The following HEG1 variants were observed in gnomAD, a reference collection of about 807,000 sequenced individuals.
HEG1 encodes the protein heart development protein with EGF like domains 1.
HEG1 carries 56 observed loss-of-function variants against 125.6 expected under a neutral mutation model. The ratio of observed to expected loss-of-function variants is 0.45; its 90% CI spans 0.36 to 0.56. The LOEUF (loss-of-function observed/expected upper bound fraction) is 0.56, where lower values mean the gene tolerates loss of function less well. Ranked by LOEUF, HEG1 falls within the 20% of genes least tolerant of loss-of-function variation. HEG1 has a pLI of 0.00. For missense variants in HEG1, 1,523 were observed against 1,670.0 expected (o/e 0.91, Z 1.53); for synonymous variants, 644 against 668.5 (o/e 0.96, Z 0.57).
At position 125,027,626 on chromosome 3, in the gene HEG1, G is replaced by T. The variant is rs183732053; in HGVS notation, c.611-119C>A. The stretch of plus-strand genomic sequence containing the variant: ...ATACAGACATAAGAAGAAATTAGGA[G>T]AATAATTCAGTCTATGAAAAATAAA... On this transcript the variant is annotated intron_variant, in intron 2 of 16. Coordinates refer to ENST00000311127, the MANE Select transcript of HEG1 (RefSeq NM_020733.2). 544 of 815,494 alleles carry T rather than the reference G, an allele frequency of 6.7e-4. No individual in the cohort carries two copies. In the Middle Eastern group the frequency reaches 7.9e-3, roughly 12 times the overall value. 50.5% of individuals were successfully genotyped at this position (815,494 alleles called of 1,614,324 possible).
At chr3:125,034,947 G>T (rs956547109) in intron 1 of HEG1, among the ~76,000 whole-genome samples, 1 of 152,148 alleles carries the variant, frequency 6.6e-6, no homozygotes, top group Non-Finnish European at 1.5e-5. Flanking sequence ...AGAAAACAGA[G>T]AAAGTAGAAG....
intron 14 of HEG1, among the ~76,000 whole-genome samples, chr3:124,988,074 T>C (rs545532330): frequency 2.6e-5 from 4 of 151,558 alleles, no homozygotes; most frequent in Non-Finnish European, 5.9e-5. Context: ...TGAAACGTTA[T>C]AGATTTTCTT....
chr3:125,018,546 G>A (rs531961376), intron 5 of HEG1, among the ~76,000 whole-genome samples: 6 of 152,282 alleles, frequency 3.9e-5, no homozygotes, highest in African/African-American at 1.4e-4. Flanking sequence ...CAATAAAGCT[G>A]GTTTTTAAAA....
Position 124,973,825 on chromosome 3 carries a change from T to G in HEG1, c.3902A>C (p.Asn1301Thr). 6.2e-7 allele frequency: 1 copy of G among 1,613,694 alleles called. No homozygotes were observed. Among genetic ancestry groups the G allele is most frequent in the Non-Finnish European group, 8.5e-7 (1 of 1,179,614 alleles). Residue 1301 changes from asparagine (N) to threonine (T), a missense_variant, in exon 16 of 17, where the codon AAT (asparagine) becomes ACT (threonine). Asn to Thr is a moderately conservative substitution (Grantham distance 65). Transcript: ENST00000311127. ...QMSPYAEYPKNPRSQEWGREA... is the reference protein window; with the variant it reads ...QMSPYAEYPKTPRSQEWGREA... ...TCGGCCCCATTCTTGTGAGCGAGGA[T>G]TTTTGGGGTATTCAGCATACGGGGA...
intron 12 of HEG1, 134 bp from the exon 13 acceptor site, chr3:124,991,120 C>T (rs1936826581): frequency 1.5e-6 from 1 of 673,866 alleles, no homozygotes; most frequent in Admixed American, 2.9e-5. Context: ...TTGGAATGAT[C>T]CTCACTTAAA....
At chr3:125,010,327 G>T in intron 7 of HEG1, 112 bp downstream of exon 7, 1 of 628,074 alleles carries the variant, frequency 1.6e-6, no homozygotes, top group East Asian at 2.8e-5. Flanking sequence ...CAAGTAAGCA[G>T]GGTATTAACT....
chr3:124,973,456 C>T (rs113381216), intron 16 of HEG1, among the ~76,000 whole-genome samples: 173 of 152,286 alleles, frequency 1.1e-3, no homozygotes, highest in African/African-American at 4.0e-3. Context: ...GTTTCCATTC[C>T]TATAACTTAA....
Position 125,055,210 on chromosome 3 carries a change from C to A in HEG1, c.316+365G>T, listed in dbSNP as rs529308794. On this transcript the variant is annotated intron_variant, in intron 1 of 16. Coordinates refer to ENST00000311127, the MANE Select transcript of HEG1 (RefSeq NM_020733.2). The stretch of plus-strand genomic sequence containing the variant: ...ACCTGGAGAGGCCAGTTCTGTATAG[C>A]GGAAAAAATGAAACTGGGGACCGGC... 3.9e-5 allele frequency among the ~76,000 whole-genome samples: 6 copies of A among 152,214 alleles called. No homozygotes were observed. In the East Asian group the frequency reaches 7.7e-4, roughly 20 times the overall value.
rs761096546 is a variant in HEG1, at chr3:125,013,240, C to T, written c.2339G>A (p.Ser780Asn). 3.1e-6 allele frequency: 5 copies of T among 1,613,818 alleles called. No homozygotes were observed. In the South Asian group the frequency reaches 3.3e-5, roughly 11 times the overall value. Residue 780 changes from serine (S) to asparagine (N), a missense_variant, in exon 6 of 17, where the codon AGC becomes AAC. Coordinates refer to ENST00000311127, the MANE Select transcript of HEG1 (RefSeq NM_020733.2). ...TTTCTCTTGGTGTGGGGTGCTCTGGCTCTTAAGGTCTGCAGTTTGACTACT... is the reference window on the plus strand; with the variant it reads ...TTTCTCTTGGTGTGGGGTGCTCTGGTTCTTAAGGTCTGCAGTTTGACTACT... ...LHSSQTADLK[S>N]QSTPHQEKVI...
chr3:125,029,533 GACAAGAA>G (rs1217462478), intron 1 of HEG1, 45 bp from the exon 2 acceptor site: 1 of 1,538,892 alleles, frequency 6.5e-7, no homozygotes, highest in Non-Finnish European at 8.8e-7. Flanking sequence ...GCTGGCTTCT[GACAAGAA>G]AAGTAAACCT....
chr3:125,014,613 C>T (rs983763905), intron 5 of HEG1: 1 of 1,049,606 alleles, frequency 9.5e-7, no homozygotes, highest in African/African-American at 1.7e-5. Context: ...TTGTAAGGCA[C>T]TTTCTGGCTT....
intron 14 of HEG1, among the ~76,000 whole-genome samples, chr3:124,987,946 C>CATATATATAT: frequency 1.2e-5 from 1 of 82,036 alleles, no homozygotes; most frequent in Non-Finnish European, 3.0e-5. Context: ...CACACACACA[C>CATATATATAT]ACACACATAT....
At chr3:124,978,810 T>TAAATAAATAAAC (rs1936596651) in intron 14 of HEG1, among the ~76,000 whole-genome samples, 1 of 140,712 alleles carries the variant, frequency 7.1e-6, no homozygotes, top group Admixed American at 6.9e-5. Flanking sequence ...CAAAAATAAA[T>TAAATAAATAAAC]AAATAAATAA....
rs1937301544 is a variant in HEG1 at position 125,019,355 on chromosome 3, G to A, written c.1495C>T (p.His499Tyr). The change falls in exon 5 of 17, where the codon CAC (histidine) becomes TAC (tyrosine). Residue 499 changes from histidine to tyrosine, a missense_variant. Transcript: ENST00000311127. ...SDSTVQSGGS[H>Y]TALGDRSYSE... ...TAACTCCTATCTCCCAATGCTGTGT[G>A]ACTTCCTCCAGACTGTACAGTAGAG... The A allele has an allele frequency of 6.2e-7, 1 of 1,613,892 alleles. No homozygotes were observed. The highest frequency in any genetic ancestry group is 1.1e-5 in the South Asian group (1 of 91,082).
At chr3:125,019,179 T>G in intron 5 of HEG1, 83 bp downstream of exon 5, 1 of 1,248,194 alleles carries the variant, frequency 8.0e-7, no homozygotes, top group Non-Finnish European at 1.1e-6. Flanking sequence ...TCATGCGTGG[T>G]TTTAATACGC....
chr3:125,006,437 G>C (rs1407892342), intron 8 of HEG1, among the ~76,000 whole-genome samples: 1 of 152,096 alleles, frequency 6.6e-6, no homozygotes, highest in African/African-American at 2.4e-5. Context: ...CCTCCGGATG[G>C]AAAACAAATA....
chr3:125,045,484 C>T (rs183701012), intron 1 of HEG1, among the ~76,000 whole-genome samples: 203 of 152,224 alleles, frequency 1.3e-3, no homozygotes, highest in African/African-American at 4.6e-3. Context: ...TTCACTGAAC[C>T]GAGGGGGAGG....
intron 1 of HEG1, 99 bp downstream of exon 1, chr3:125,055,476 G>A: frequency 2.4e-6 from 2 of 834,054 alleles, no homozygotes; most frequent in Non-Finnish European, 3.1e-6. Context: ...ACCCTGGGTC[G>A]CGCCGCGCGG....
intron 1 of HEG1, among the ~76,000 whole-genome samples, chr3:125,045,404 C>G (rs933559563): frequency 1.3e-5 from 2 of 152,212 alleles, no homozygotes; most frequent in African/African-American, 4.8e-5. Flanking sequence ...TTACACAATT[C>G]TAGCTTATTC....
Sources: allele counts gnomAD v4.1 joint callset (sites outside exome capture counted in the v4.1 genomes callset), GRCh38; gene constraint gnomAD v4.1.1; transcripts MANE v1.5; gene names NCBI Gene and HGNC (gene_info 2026-07-23, HGNC 2026-07-21).